The following PDE4B variants were observed in gnomAD, a reference collection of about 807,000 sequenced individuals.
PDE4B encodes phosphodiesterase 4B, also known as 3',5'-cyclic-AMP phosphodiesterase 4B.
A neutral mutation model predicts 82.2 loss-of-function variants in PDE4B; 20 were observed. The ratio of observed to expected loss-of-function variants is 0.24; its 90% CI spans 0.17 to 0.35. The LOEUF is 0.35. Among genes scored for constraint, PDE4B ranks in the 10% least tolerant of loss-of-function variants. PDE4B has a pLI of 1.00. For synonymous variants in PDE4B, 320 were observed against 318.9 expected (o/e 1.00, Z -0.04); for missense variants, 655 against 907.2 (o/e 0.72, Z 3.57).
chr1:66,068,175 C>T (rs970160712), intron 3 of PDE4B, among the ~76,000 whole-genome samples: 1 of 151,498 alleles, frequency 6.6e-6, no homozygotes, highest in African/African-American at 2.4e-5. Flanking sequence ...TTCTCGCTTC[C>T]GTGAAAAGCC....
At chr1:66,261,564 T>C (rs1450306808) in intron 6 of PDE4B, among the ~76,000 whole-genome samples, 1 of 152,214 alleles carries the variant, frequency 6.6e-6, no homozygotes, top group Non-Finnish European at 1.5e-5. Context: ...GTGTGGTTTA[T>C]TGTAGGAAAA....
At chr1:66,275,796 G>A (rs1023652179) in intron 7 of PDE4B, among the ~76,000 whole-genome samples, 6 of 152,148 alleles carry the variant, frequency 3.9e-5, no homozygotes, top group African/African-American at 1.4e-4. Context: ...ACAAAGCAGG[G>A]ACTGTCCCCT....
intron 7 of PDE4B, among the ~76,000 whole-genome samples, chr1:66,285,285 A>G (rs1656595187): frequency 6.6e-6 from 1 of 152,228 alleles, no homozygotes. Flanking sequence ...GTCTTTCAAT[A>G]TATGTTCCAC....
At chr1:65,891,362 C>T (rs149537912) in intron 1 of PDE4B, among the ~76,000 whole-genome samples, 6 of 152,098 alleles carry the variant, frequency 3.9e-5, no homozygotes, top group East Asian at 1.9e-4. Context: ...TAATTATCAG[C>T]GGTTGGAAGT....
chr1:66,238,974 G>T (rs1162067831), intron 3 of PDE4B, among the ~76,000 whole-genome samples: 1 of 152,112 alleles, frequency 6.6e-6, no homozygotes. Flanking sequence ...TCAAATGGTA[G>T]GTGAGAACTT....
chr1:66,054,959 G>T (rs561809181), intron 3 of PDE4B, among the ~76,000 whole-genome samples: 1 of 152,304 alleles, frequency 6.6e-6, no homozygotes, highest in African/African-American at 2.4e-5. Flanking sequence ...GGAGAAATCA[G>T]TGTAAACTAG....
intron 1 of PDE4B, among the ~76,000 whole-genome samples, chr1:65,850,110 CTTTTTTTT>C (rs57662381): frequency 1.0e-5 from 1 of 97,490 alleles, no homozygotes; most frequent in Non-Finnish European, 2.0e-5. Flanking sequence ...TTGCCCTGCA[CTTTTTTTT>C]TTTTTTTTTT....
chr1:66,141,404 A>T (rs1240661731), intron 3 of PDE4B, among the ~76,000 whole-genome samples: 2 of 148,434 alleles, frequency 1.3e-5, no homozygotes, highest in African/African-American at 5.0e-5. Flanking sequence ...GAAAGAATTG[A>T]GCAAAGTTTC....
At chr1:66,172,429 T>C (rs1217129371) in intron 3 of PDE4B, among the ~76,000 whole-genome samples, 1 of 152,220 alleles carries the variant, frequency 6.6e-6, no homozygotes, top group Non-Finnish European at 1.5e-5. Context: ...GATGTGTCTT[T>C]TTGGTAGAAC....
At chr1:66,273,906 G>A (rs1198446144) in intron 7 of PDE4B, among the ~76,000 whole-genome samples, 1 of 152,340 alleles carries the variant, frequency 6.6e-6, no homozygotes, top group South Asian at 2.1e-4. Context: ...TCTTGACAAC[G>A]TGTGACTTTC....
In PDE4B at chr1:66,193,801, C is replaced by T. The variant is rs542887306; in HGVS notation, c.282-53659C>T. On this transcript the variant is annotated intron_variant, in intron 3 of 16. Transcript: ENST00000341517. ...AACTATTAGCAAAGTAAAAGTAGTA[C>T]GTTAAGTACACCATGGAAAAATGCT... 4.6e-5 allele frequency among the ~76,000 whole-genome samples: 7 copies of T among 152,076 alleles called. No homozygotes were observed. In the South Asian group the frequency reaches 8.3e-4, roughly 18 times the overall value.
chr1:66,018,534 A>T (rs2100759579), intron 3 of PDE4B, among the ~76,000 whole-genome samples: 1 of 152,378 alleles, frequency 6.6e-6, no homozygotes, highest in East Asian at 1.9e-4. Context: ...CTTTGTGTAG[A>T]TACAACAGAA....
chr1:66,305,073 C>T (rs1275998376), intron 7 of PDE4B, among the ~76,000 whole-genome samples: 1 of 151,866 alleles, frequency 6.6e-6, no homozygotes, highest in East Asian at 1.9e-4. Flanking sequence ...GTCCATGTGC[C>T]CAAAAGAGTG....
chr1:66,150,846 C>T (rs1433315499), intron 3 of PDE4B, among the ~76,000 whole-genome samples: 9 of 152,044 alleles, frequency 5.9e-5, no homozygotes, highest in East Asian at 1.9e-4. Flanking sequence ...AATTAACTTT[C>T]GTATGTTAAA....
chr1:65,819,508 T>TG (rs201140180), intron 1 of PDE4B, among the ~76,000 whole-genome samples: 5 of 151,118 alleles, frequency 3.3e-5, no homozygotes, highest in South Asian at 4.2e-4. Flanking sequence ...TGTTTTGTTT[T>TG]TTTTTTTTTT....
chr1:66,362,096 C>A (rs1221285628), intron 10 of PDE4B, among the ~76,000 whole-genome samples: 1 of 152,038 alleles, frequency 6.6e-6, no homozygotes, highest in African/African-American at 2.4e-5. Context: ...ACCAAAGAAC[C>A]ACTTTTTTTT....
At chr1:66,320,834 C>G (rs1659347823) in intron 7 of PDE4B, among the ~76,000 whole-genome samples, 1 of 152,124 alleles carries the variant, frequency 6.6e-6, no homozygotes, top group African/African-American at 2.4e-5. Context: ...AGGCTTAATC[C>G]AACCTCAGAA....
At chr1:65,938,994 A>T (rs894974557) in intron 3 of PDE4B, among the ~76,000 whole-genome samples, 2 of 152,196 alleles carry the variant, frequency 1.3e-5, no homozygotes, top group African/African-American at 2.4e-5. Context: ...ATACTACTTT[A>T]GTCCAAGTGA....
intron 1 of PDE4B, among the ~76,000 whole-genome samples, chr1:65,854,731 A>G (rs976839533): frequency 2.0e-5 from 3 of 152,030 alleles, no homozygotes; most frequent in Admixed American, 2.0e-4. Flanking sequence ...TCTTGCAAGT[A>G]GGTTTATACT....
Sources: gnomAD v4.1 joint callset for allele counts (sites outside exome capture counted in the v4.1 genomes callset) on GRCh38, gnomAD v4.1.1 for gene constraint, MANE v1.5 for transcripts, NCBI Gene and HGNC (gene_info 2026-07-23, HGNC 2026-07-21) for gene names.